The following IGF1 variants were observed in gnomAD, a reference collection of about 807,000 sequenced individuals.
IGF1 encodes insulin like growth factor 1, also known as insulin-like growth factor 1.
Under a neutral mutation model 13.8 loss-of-function variants are expected in IGF1, and 4 were observed. The ratio of observed to expected loss-of-function variants is 0.29; its 90% CI spans 0.14 to 0.66. The LOEUF (loss-of-function observed/expected upper bound fraction) is 0.66. IGF1 is among the 30% of genes least tolerant of loss of function. IGF1 has a pLI of 0.78. For synonymous variants in IGF1, 76 were observed against 72.6 expected (o/e 1.05, Z -0.23); for missense variants, 124 against 188.5 (o/e 0.66, Z 2.00).
At chr12:102,429,649 A>G (rs930074110) in intron 2 of IGF1, among the ~76,000 whole-genome samples, 29 of 152,344 alleles carry the variant, frequency 1.9e-4, no homozygotes, top group Admixed American at 1.6e-3. Flanking sequence ...TAACAAATGT[A>G]ATTATCCATC....
rs1426678259 is a variant in IGF1 at position 102,398,708 on chromosome 12, C to G, written c.*3799G>C. Reference sequence around the variant, plus strand: ...GAAAGGTGGTGGTGGCTAGATAGACCTAATGCTATTTTATTAAGCCATCTA... The same window carrying G: ...GAAAGGTGGTGGTGGCTAGATAGACGTAATGCTATTTTATTAAGCCATCTA... On this transcript the variant is annotated 3_prime_UTR_variant, in exon 4 of 4. Transcript: ENST00000337514. The G allele has an allele frequency of 6.6e-6, 1 of 152,110 alleles. No homozygotes were observed. Among genetic ancestry groups the G allele is most frequent in the African/African-American group, 2.4e-5 (1 of 41,534 alleles). The allele number at this position is 152,110 out of a possible 1,614,324, so 9.4% of individuals were successfully genotyped here. A position where few individuals can be genotyped will look rare whatever the true frequency, so the allele number is the denominator to read the frequency against.
upstream of IGF1, chr12:102,480,605 GA>G: frequency 7.3e-7 from 1 of 1,377,538 alleles, no homozygotes; most frequent in South Asian, 1.5e-5. Flanking sequence ...ACAAAACACA[GA>G]CACTGTAGAC....
intron 2 of IGF1, among the ~76,000 whole-genome samples, chr12:102,466,434 G>T (rs958223075): frequency 6.6e-5 from 10 of 152,120 alleles, no homozygotes; most frequent in African/African-American, 2.4e-4. Context: ...AGGGACTGCT[G>T]GCACCTAGTG....
At position 102,421,248 on chromosome 12, in the gene IGF1, T is replaced by A. The variant is rs5742677; in HGVS notation, c.221-1558A>T. On this transcript the variant is annotated intron_variant, in intron 2 of 3. Transcript: ENST00000337514. ...TTCTGGGCAGAGTCTGCTGTGCAGATCTCGAAGCAGACCCTGTGGACTCCC... is the reference window on the plus strand; with the variant it reads ...TTCTGGGCAGAGTCTGCTGTGCAGAACTCGAAGCAGACCCTGTGGACTCCC... 3.6e-3 allele frequency among the ~76,000 whole-genome samples: 555 copies of A among 152,186 alleles called. 5 individuals carry two copies. The highest frequency in any genetic ancestry group is 0.013 in the African/African-American group (525 of 41,536).
chr12:102,457,493 G>A (rs1442030384), intron 2 of IGF1, among the ~76,000 whole-genome samples: 1 of 152,138 alleles, frequency 6.6e-6, no homozygotes, highest in African/African-American at 2.4e-5. Flanking sequence ...AGTCAAAGCG[G>A]CTTGTTTGCC....
Position 102,402,493 on chromosome 12 carries a change from T to A in IGF1, c.*14A>T. On this transcript the variant is annotated 3_prime_UTR_variant, in exon 4 of 4. Transcript: ENST00000337514. ...GCGGTGGCATGTCACTCTTCACTCC[T>A]CAGGAGGGTCTTCCTACATCCTGTA... 1.3e-6 allele frequency: 1 copy of A among 780,882 alleles called. No homozygotes were observed. Among genetic ancestry groups the A allele is most frequent in the South Asian group, 1.3e-5 (1 of 74,616 alleles). 48.4% of individuals were successfully genotyped at this position (780,882 alleles called of 1,614,324 possible). A position where few individuals can be genotyped will look rare whatever the true frequency, so the allele number is the denominator to read the frequency against.
At chr12:102,406,678 G>A (rs1262420676) in intron 3 of IGF1, among the ~76,000 whole-genome samples, 5 of 152,182 alleles carry the variant, frequency 3.3e-5, no homozygotes. Context: ...ATTATGGACA[G>A]ACACGCATAT....
intron 2 of IGF1, among the ~76,000 whole-genome samples, chr12:102,468,850 C>G (rs1235969576): frequency 6.6e-6 from 1 of 152,202 alleles, no homozygotes; most frequent in Non-Finnish European, 1.5e-5. Flanking sequence ...GAGACATCTC[C>G]TTGGGAGAGA....
chr12:102,452,240 C>T (rs1242136112), intron 2 of IGF1, among the ~76,000 whole-genome samples: 4 of 108,224 alleles, frequency 3.7e-5, no homozygotes, highest in South Asian at 6.4e-4. Flanking sequence ...CCAGCCTGGG[C>T]GACAGAGCGA....
At chr12:102,408,025 T>C (rs1379324038) in intron 3 of IGF1, among the ~76,000 whole-genome samples, 1 of 152,170 alleles carries the variant, frequency 6.6e-6, no homozygotes, top group Admixed American at 6.5e-5. Context: ...AGTTAAGTAT[T>C]GTATGACATG....
chr12:102,411,598 T>C (rs1874645506), intron 3 of IGF1, among the ~76,000 whole-genome samples: 1 of 152,206 alleles, frequency 6.6e-6, no homozygotes. Flanking sequence ...GGTCTTTCAC[T>C]GGGAACTTTC....
chr12:102,417,502 A>C (rs1345561283), intron 3 of IGF1: 1 of 976,494 alleles, frequency 1.0e-6, no homozygotes, highest in African/African-American at 1.7e-5. Context: ...TTTTATTTAA[A>C]TTCTTTTATT....
intron 3 of IGF1, among the ~76,000 whole-genome samples, chr12:102,410,202 GA>G (rs924824056): frequency 4.6e-5 from 7 of 150,874 alleles, no homozygotes; most frequent in South Asian, 2.1e-4. Context: ...GGGGAACAAA[GA>G]AAAAAAAATG....
intron 3 of IGF1, among the ~76,000 whole-genome samples, chr12:102,408,516 A>T (rs748905885): frequency 6.6e-6 from 1 of 152,132 alleles, no homozygotes; most frequent in Non-Finnish European, 1.5e-5. Flanking sequence ...AGAGTGAGGG[A>T]TATGTACTTA....
Position 102,414,205 on chromosome 12 carries a change from A to C in IGF1, c.402+5304T>G, listed in dbSNP as rs532477328. On this transcript the variant is annotated intron_variant, in intron 3 of 3. Coordinates refer to ENST00000337514, the MANE Select transcript of IGF1 (RefSeq NM_000618.5). Reference sequence around the variant, plus strand: ...ACAGACACACACATGCACACACTACACTCACACACATACACACACACAATC... The same window carrying C: ...ACAGACACACACATGCACACACTACCCTCACACACATACACACACACAATC... 3.9e-5 allele frequency among the ~76,000 whole-genome samples: 6 copies of C among 152,222 alleles called. No individual in the cohort carries two copies. The East Asian group carries it at 1.2e-3, about 29-fold the overall frequency.
chr12:102,440,627 A>G (rs1416998919), intron 2 of IGF1, among the ~76,000 whole-genome samples: 1 of 152,194 alleles, frequency 6.6e-6, no homozygotes, highest in African/African-American at 2.4e-5. Context: ...TAGAATGTCT[A>G]AAATCCTATC....
chr12:102,466,234 A>T (rs1880300757), intron 2 of IGF1, among the ~76,000 whole-genome samples: 1 of 152,238 alleles, frequency 6.6e-6, no homozygotes, highest in Non-Finnish European at 1.5e-5. Context: ...CAGGCAATGG[A>T]CCATAGGCTC....
intron 2 of IGF1, among the ~76,000 whole-genome samples, chr12:102,424,062 A>T (rs1193597173): frequency 6.6e-6 from 1 of 152,132 alleles, no homozygotes; most frequent in African/African-American, 2.4e-5. Flanking sequence ...CAACTCTATC[A>T]TTGGAAAGGG....
At chr12:102,442,732 A>G (rs1300149807) in intron 2 of IGF1, among the ~76,000 whole-genome samples, 1 of 152,158 alleles carries the variant, frequency 6.6e-6, no homozygotes, top group Admixed American at 6.5e-5. Flanking sequence ...CATCTGGCTA[A>G]TGGATAGAGT....
Sources: gnomAD v4.1 joint callset for allele counts (sites outside exome capture counted in the v4.1 genomes callset) on GRCh38, gnomAD v4.1.1 for gene constraint, MANE v1.5 for transcripts, NCBI Gene and HGNC (gene_info 2026-07-23, HGNC 2026-07-21) for gene names.